TSPAN7: variants seen among roughly 807,000 people sequenced by gnomAD.
The protein encoded by TSPAN7 is tetraspanin 7, also known as tetraspanin-7.
Under a neutral mutation model 17.6 loss-of-function variants are expected in TSPAN7, and 1 was observed. The ratio of observed to expected loss-of-function variants is 0.06; its 90% CI spans 0.02 to 0.27. TSPAN7 has a LOEUF of 0.27. Ranked by LOEUF, TSPAN7 falls within the 10% of genes least tolerant of loss-of-function variation. The pLI is 1.00. For synonymous variants in TSPAN7, 78 were observed against 79.0 expected (o/e 0.99, Z 0.07); for missense variants, 112 against 201.7 (o/e 0.56, Z 2.69).
At chrX:38,662,451 A>G (rs2069752508) in intron 1 of TSPAN7, among the ~76,000 whole-genome samples, 1 of 111,585 alleles carries the variant, frequency 9.0e-6, no homozygotes, top group Non-Finnish European at 1.9e-5. Flanking sequence ...GACTGTGTGC[A>G]AGGTACACAG....
chrX:38,579,413 C>G (rs1398533840), intron 1 of TSPAN7, among the ~76,000 whole-genome samples: 2 of 107,562 alleles, frequency 1.9e-5, no homozygotes, highest in African/African-American at 6.9e-5. Context: ...AACCCCGTCT[C>G]TACTAAAAAA....
At chrX:38,683,205 C>T (rs754895182) in intron 6 of TSPAN7, among the ~76,000 whole-genome samples, 3 of 111,888 alleles carry the variant, frequency 2.7e-5, no homozygotes, top group Non-Finnish European at 5.6e-5. Context: ...TAAGAGGATC[C>T]TATTTTCATT....
intron 1 of TSPAN7, among the ~76,000 whole-genome samples, chrX:38,615,068 A>G (rs1032436656): frequency 2.7e-5 from 3 of 111,118 alleles, no homozygotes; most frequent in Admixed American, 9.5e-5. Context: ...TGTTTTCAGC[A>G]CTAAAGAGCT....
At chrX:38,595,211 AATAACAAC>A (rs934401350) in intron 1 of TSPAN7, among the ~76,000 whole-genome samples, 4 of 111,639 alleles carry the variant, frequency 3.6e-5, no homozygotes, top group Non-Finnish European at 7.6e-5. Context: ...TGTATCAGAA[AATAACAAC>A]TTTTCTTTGC....
At chrX:38,676,282 C>G (rs1161560596) in intron 5 of TSPAN7, among the ~76,000 whole-genome samples, 1 of 111,395 alleles carries the variant, frequency 9.0e-6, no homozygotes, top group Non-Finnish European at 1.9e-5. Context: ...GCATCTGCTT[C>G]TGCTAGGAGG....
At chrX:38,577,452 A>G (rs1162885770) in intron 1 of TSPAN7, among the ~76,000 whole-genome samples, 1 of 110,298 alleles carries the variant, frequency 9.1e-6, no homozygotes, top group Non-Finnish European at 1.9e-5. Flanking sequence ...TCAGCCTTGT[A>G]AGATGTGAAT....
chrX:38,562,855 C>T (rs980438993), intron 1 of TSPAN7: 15 of 515,838 alleles, frequency 2.9e-5, no homozygotes, highest in Non-Finnish European at 3.7e-5. Flanking sequence ...CTACGGCAGT[C>T]ATTTTGAAAT....
chrX:38,601,158 C>T (rs1569305113), intron 1 of TSPAN7, among the ~76,000 whole-genome samples: 1 of 111,458 alleles, frequency 9.0e-6, no homozygotes. Flanking sequence ...CTGAAACAGG[C>T]GTGGAAACTG....
chrX:38,651,654 G>A (rs1172519931), intron 1 of TSPAN7, among the ~76,000 whole-genome samples: 1 of 112,096 alleles, frequency 8.9e-6, no homozygotes, highest in Non-Finnish European at 1.9e-5. Flanking sequence ...GTAGAGCCCT[G>A]CATGTATCCT....
chrX:38,663,168 C>T (rs961695008), intron 1 of TSPAN7, among the ~76,000 whole-genome samples: 19 of 107,794 alleles, frequency 1.8e-4, no homozygotes, highest in Non-Finnish European at 3.0e-4. Context: ...CACACACACA[C>T]ACACACACAC....
chrX:38,613,987 T>G (rs1460407057), intron 1 of TSPAN7, among the ~76,000 whole-genome samples: 1 of 106,105 alleles, frequency 9.4e-6, no homozygotes, highest in Admixed American at 1.0e-4. Flanking sequence ...TTTTTTTTCT[T>G]TTTTTTTTTC....
chrX:38,662,758 G>T (rs1356676082), intron 1 of TSPAN7, among the ~76,000 whole-genome samples: 1 of 111,085 alleles, frequency 9.0e-6, no homozygotes, highest in African/African-American at 3.3e-5. Flanking sequence ...TTCATCAGGA[G>T]TGTTTGAGTA....
chrX:38,589,501 A>G (rs761526863), intron 1 of TSPAN7, among the ~76,000 whole-genome samples: 1 of 112,177 alleles, frequency 8.9e-6, no homozygotes, highest in South Asian at 3.7e-4. Flanking sequence ...ATTTTTAAAT[A>G]TTGAAAATTT....
chrX:38,562,617 C>G (rs1254806462), intron 1 of TSPAN7, among the ~76,000 whole-genome samples: 1 of 109,748 alleles, frequency 9.1e-6, no homozygotes, highest in East Asian at 2.9e-4. Context: ...TGTGCCTTAC[C>G]TCATCCTGTT....
intron 1 of TSPAN7, among the ~76,000 whole-genome samples, chrX:38,625,143 A>T (rs2069514988): frequency 9.0e-6 from 1 of 111,620 alleles, no homozygotes; most frequent in African/African-American, 3.3e-5. Context: ...CATGGAGCAG[A>T]TACATTTCCC....
At chrX:38,637,012 C>G (rs953045341) in intron 1 of TSPAN7, among the ~76,000 whole-genome samples, 2 of 112,266 alleles carry the variant, frequency 1.8e-5, no homozygotes, top group African/African-American at 6.5e-5. Flanking sequence ...GAAGAAACAT[C>G]ACGGGACAAA....
intron 5 of TSPAN7, among the ~76,000 whole-genome samples, chrX:38,680,814 T>A (rs1214738533): frequency 8.9e-6 from 1 of 111,804 alleles, no homozygotes; most frequent in Admixed American, 9.5e-5. Flanking sequence ...TTTTCAAGTC[T>A]ACTTCTTTGT....
intron 1 of TSPAN7, among the ~76,000 whole-genome samples, chrX:38,572,732 A>G (rs2069175536): frequency 9.0e-6 from 1 of 111,154 alleles, no homozygotes; most frequent in Non-Finnish European, 1.9e-5. Context: ...AAGGAACCCA[A>G]AGCTTGATAA....
chrX:38,684,364 C>A (rs960596518), intron 6 of TSPAN7, among the ~76,000 whole-genome samples: 1 of 111,628 alleles, frequency 9.0e-6, no homozygotes, highest in Non-Finnish European at 1.9e-5. Flanking sequence ...TTTGTCTGGA[C>A]TTGATGGGCA....
Sources: allele counts gnomAD v4.1 joint callset (sites outside exome capture counted in the v4.1 genomes callset), GRCh38; gene constraint gnomAD v4.1.1; transcripts MANE v1.5; gene names NCBI Gene and HGNC (gene_info 2026-07-23, HGNC 2026-07-21).